Variants in SUPT6H observed in about 807,000 individuals in gnomAD.
SUPT6H encodes the protein transcription elongation factor SPT6.
Under a neutral mutation model 222.3 loss-of-function variants are expected in SUPT6H, and 11 were observed. The ratio of observed to expected loss-of-function variants is 0.05; its 90% confidence interval spans 0.03 to 0.08. The LOEUF (loss-of-function observed/expected upper bound fraction) is 0.08, where lower values mean the gene tolerates loss of function less well. Ranked by LOEUF, SUPT6H falls within the 10% of genes least tolerant of loss-of-function variation. The pLI, the probability that SUPT6H is intolerant of heterozygous loss-of-function variation, is 1.00. For missense variants in SUPT6H, 1,422 were observed against 2,216.0 expected (o/e 0.64, Z 7.19); for synonymous variants, 762 against 801.2 (o/e 0.95, Z 0.83).
Position 28,696,946 on chromosome 17 carries a change from G to T in SUPT6H, c.4073G>T (p.Arg1358Leu). 6.2e-7 allele frequency: 1 copy of T among 1,613,900 alleles called. No individual in the cohort carries two copies. The highest frequency in any genetic ancestry group is 1.1e-5 in the South Asian group (1 of 91,028). The change falls in exon 30 of 37, where the codon CGA becomes CTA. Residue 1358 changes from arginine to leucine, a missense_variant. Coordinates refer to ENST00000314616, the MANE Select transcript of SUPT6H (RefSeq NM_003170.5). ...ATGGACCAGGGTGATGTGATTATCCGACCAAGCAGCAAGGGCGAGAACCAC... is the reference window on the plus strand; with the variant it reads ...ATGGACCAGGGTGATGTGATTATCCTACCAAGCAGCAAGGGCGAGAACCAC... ...ETMDQGDVII[R>L]PSSKGENHLT...
At position 28,700,980 on chromosome 17, in the gene SUPT6H, C is replaced by G. The variant is rs923032032; in HGVS notation, c.4846C>G (p.Leu1616Val). ...AGCCCAGCAGCCAGTGGCCACACCACTAATGACCCCTAGCTACTCCTACAC... is the reference window on the plus strand; with the variant it reads ...AGCCCAGCAGCCAGTGGCCACACCAGTAATGACCCCTAGCTACTCCTACAC... ...TPAQQPVATP[L>V]MTPSYSYTTP... is the part of the protein sequence containing the mutation. Residue 1616 changes from leucine (L) to valine (V), a missense_variant, in exon 36 of 37, where the codon CTA (leucine) becomes GTA (valine). By Grantham distance (32) the Leu-to-Val change is conservative. Coordinates refer to ENST00000314616, the MANE Select transcript of SUPT6H (RefSeq NM_003170.5). 2 of 1,613,946 alleles carry G rather than the reference C, an allele frequency of 1.2e-6. No homozygotes were observed. The highest frequency in any genetic ancestry group is 8.5e-7 in the Non-Finnish European group (1 of 1,179,834).
chr17:28,679,705 G>GCTGGGGC (rs1448769106), intron 11 of SUPT6H, among the ~76,000 whole-genome samples: 2 of 151,672 alleles, frequency 1.3e-5, no homozygotes, highest in Non-Finnish European at 2.9e-5. Context: ...GAAAAAGGGG[G>GCTGGGGC]CTGGGGCCTG....
chr17:28,685,089 T>C, intron 19 of SUPT6H, 128 bp downstream of exon 19: 4 of 898,294 alleles, frequency 4.5e-6, no homozygotes, highest in Non-Finnish European at 5.1e-6. Context: ...GTCACTGACT[T>C]GTCCCCTGGG....
chr17:28,678,726 T>A, intron 10 of SUPT6H, 92 bp downstream of exon 10: 1 of 1,609,624 alleles, frequency 6.2e-7, no homozygotes. Context: ...CAGGCCTGTC[T>A]AGTCCTCCCC....
chr17:28,677,790 T>C lies in SUPT6H; in HGVS notation c.973T>C (p.Phe325Leu), dbSNP rs2030848086. 2.5e-6 allele frequency: 4 copies of C among 1,614,180 alleles called. No individual in the cohort carries two copies. The highest frequency in any genetic ancestry group is 3.4e-6 in the Non-Finnish European group (4 of 1,180,020). The change falls in exon 8 of 37, where the codon TTT becomes CTT. Residue 325 changes from phenylalanine to leucine, a missense_variant. By Grantham distance (22) the Phe-to-Leu change is conservative. This residue lies in a region of SUPT6H where 389 missense variants were observed against 544.6 expected (regional missense o/e 0.71). Transcript: ENST00000314616. ...AGCTGACTGGATCTACAGGAATGCTTTTGCCACACCAACCATTTCTCTCCA... is the reference window on the plus strand; with the variant it reads ...AGCTGACTGGATCTACAGGAATGCTCTTGCCACACCAACCATTTCTCTCCA... ...EEADWIYRNA[F>L]ATPTISLQES...
chr17:28,683,954 G>C (rs763254023), intron 17 of SUPT6H, 138 bp downstream of exon 17: 6 of 700,832 alleles, frequency 8.6e-6, no homozygotes, highest in Non-Finnish European at 1.3e-5. Flanking sequence ...TCCTGCCTCA[G>C]CCTCCCGAGT....
At position 28,701,288 on chromosome 17, in the gene SUPT6H, A is replaced by G. The variant is rs143619243; in HGVS notation, c.4995-151A>G. 721 of 1,364,356 alleles carry G rather than the reference A, an allele frequency of 5.3e-4. 7 individuals carry two copies. In the African/African-American group the frequency reaches 8.0e-3, roughly 15 times the overall value. The allele number at this position is 1,364,356 out of a possible 1,614,324, so 84.5% of individuals were successfully genotyped here. ...TTTCTGGGTGAAGACGGAAGAGGGC[A>G]GTATGGCAGCCAGCTGCTGCTGTAT... On this transcript the variant is annotated intron_variant, in intron 36 of 36. Transcript: ENST00000314616.
intron 1 of SUPT6H, among the ~76,000 whole-genome samples, chr17:28,671,913 G>A (rs1033745917): frequency 7.2e-5 from 11 of 152,130 alleles, no homozygotes; most frequent in African/African-American, 2.7e-4. Context: ...TAGCCCGTAG[G>A]GTATGAAACC....
chr17:28,701,921 T>G lies in SUPT6H; in HGVS notation c.*296T>G. 2.5e-6 allele frequency: 1 copy of G among 404,066 alleles called. No homozygotes were observed. Among genetic ancestry groups the G allele is most frequent in the Non-Finnish European group, 4.5e-6 (1 of 221,216 alleles). The allele number at this position is 404,066 out of a possible 1,614,324, so 25.0% of individuals were successfully genotyped here. A position where few individuals can be genotyped will look rare whatever the true frequency, so the allele number is the denominator to read the frequency against. On this transcript the variant is annotated 3_prime_UTR_variant, in exon 37 of 37. Coordinates refer to ENST00000314616, the MANE Select transcript of SUPT6H (RefSeq NM_003170.5). ...AAGGTGAGAATGAGTAGAACAGTTT[T>G]GTATTCTACTCCCTACAAGCCATTT...
intron 2 of SUPT6H, among the ~76,000 whole-genome samples, chr17:28,673,946 T>C (rs930942614): frequency 1.3e-5 from 2 of 152,012 alleles, no homozygotes; most frequent in African/African-American, 2.4e-5. Flanking sequence ...AAAGGAATTA[T>C]GGCAAAAAAA....
At chr17:28,684,385 C>T (rs908543275) in intron 17 of SUPT6H, among the ~76,000 whole-genome samples, 15 of 152,194 alleles carry the variant, frequency 9.9e-5, no homozygotes, top group Non-Finnish European at 8.8e-5. Context: ...TTGTTTATAT[C>T]ACTGTTCTCT....
chr17:28,683,457 A>G (rs1597703988), intron 16 of SUPT6H, 35 bp downstream of exon 16: 1 of 1,611,698 alleles, frequency 6.2e-7, no homozygotes, highest in Non-Finnish European at 8.5e-7. Context: ...CTCTCTGGGG[A>G]AGGCCTGATG....
chr17:28,684,496 G>T, intron 17 of SUPT6H, 90 bp from the exon 18 acceptor site: 1 of 1,495,798 alleles, frequency 6.7e-7, no homozygotes, highest in Non-Finnish European at 9.2e-7. Context: ...TCGCACATGT[G>T]TGTATGAGTG....
intron 1 of SUPT6H, among the ~76,000 whole-genome samples, chr17:28,667,042 G>T (rs923335484): frequency 6.6e-6 from 1 of 151,460 alleles, no homozygotes; most frequent in African/African-American, 2.4e-5. Flanking sequence ...TTCCAAATTG[G>T]ATATTCACTT....
rs1412621520 is a variant in SUPT6H, at chr17:28,681,868, T to C, written c.1499-14T>C. 6.2e-7 allele frequency: 1 copy of C among 1,600,274 alleles called. No individual in the cohort carries two copies. The highest frequency in any genetic ancestry group is 8.5e-7 in the Non-Finnish European group (1 of 1,174,560). On this transcript the variant is annotated splice_polypyrimidine_tract_variant and intron_variant, in intron 12 of 36. Coordinates refer to ENST00000314616, the MANE Select transcript of SUPT6H (RefSeq NM_003170.5). ...GAAACTAGAACCCTAAATCTCCCCA[T>C]GTTTTCTTCCCAGGTGAAGGTGACG...
Position 28,701,813 on chromosome 17 carries a change from A to G in SUPT6H, c.*188A>G, listed in dbSNP as rs1423244697. ...ACTTGAGCTCAGTGTATGCTAGGCA[A>G]CAATTCTCCCGCTCCAGACCCTCAC... On this transcript the variant is annotated 3_prime_UTR_variant, in exon 37 of 37. Transcript: ENST00000314616. The G allele has an allele frequency of 9.7e-6, 6 of 616,364 alleles. No individual in the cohort carries two copies. Among genetic ancestry groups the G allele is most frequent in the Admixed American group, 9.0e-5 (3 of 33,246 alleles). 38.2% of individuals were successfully genotyped at this position (616,364 alleles called of 1,614,324 possible).
At chr17:28,664,875 C>T (rs1290284202) in intron 1 of SUPT6H, among the ~76,000 whole-genome samples, 1 of 152,194 alleles carries the variant, frequency 6.6e-6, no homozygotes, top group African/African-American at 2.4e-5. Flanking sequence ...TCCTCTTCCC[C>T]AGTCTTTCAG....
At chr17:28,663,827 C>CTTTTTTTTTTTTTTTTTTTTTTTTTTTTT (rs1567681347) in intron 1 of SUPT6H, among the ~76,000 whole-genome samples, 3 of 8,410 alleles carry the variant, frequency 3.6e-4, no homozygotes, top group African/African-American at 6.6e-4. Context: ...CTGCCCACTC[C>CTTTTTTTTTTTTTTTTTTTTTTTTTTTTT]ATTTTTTTTT....
chr17:28,673,081 G>A (rs1045363716), intron 1 of SUPT6H, among the ~76,000 whole-genome samples: 5 of 151,686 alleles, frequency 3.3e-5, no homozygotes, highest in Non-Finnish European at 7.4e-5. Flanking sequence ...AACCCAGGAG[G>A]TGGAGGTTGC....
Sources: gnomAD v4.1 joint callset for allele counts (sites outside exome capture counted in the v4.1 genomes callset) on GRCh38, gnomAD v4.1.1 for gene constraint, gnomAD v4.1.1 regional missense constraint, MANE v1.5 for transcripts, NCBI Gene and HGNC (gene_info 2026-07-23, HGNC 2026-07-21) for gene names.